RAB27B: variants seen among roughly 807,000 people sequenced by gnomAD.
RAB27B encodes RAB27B, member RAS oncogene family.
In RAB27B, 15 loss-of-function variants were observed where a neutral mutation model predicts 24.6. That is an observed-to-expected ratio of 0.61 (90% confidence interval 0.41 to 0.94). The LOEUF is 0.94. Ranked by LOEUF, RAB27B falls within the 40% of genes least tolerant of loss-of-function variation. The pLI is 0.00. For synonymous variants in RAB27B, 105 were observed against 92.5 expected, an observed-to-expected ratio of 1.14 and a Z score of -0.78; for missense variants, 261 against 266.8, an observed-to-expected ratio of 0.98 and a Z score of 0.15.
chr18:54,886,975 C>A (rs1032797942), intron 4 of RAB27B, among the ~76,000 whole-genome samples: 1 of 148,348 alleles, frequency 6.7e-6, no homozygotes, highest in Non-Finnish European at 1.5e-5. Context: ...TCTTACCATG[C>A]CCTTCCTGCC....
upstream of RAB27B, among the ~76,000 whole-genome samples, chr18:54,824,469 T>C (rs985346112): frequency 1.3e-5 from 2 of 152,338 alleles, no homozygotes; most frequent in South Asian, 2.1e-4. Context: ...GAGGTAGCCA[T>C]GTCACACCCT....
intron 1 of RAB27B, among the ~76,000 whole-genome samples, chr18:54,846,244 T>G (rs564522567): frequency 6.6e-6 from 1 of 152,198 alleles, no homozygotes; most frequent in Non-Finnish European, 1.5e-5. Flanking sequence ...ACAAATCAAC[T>G]ATATATTATA....
At chr18:54,858,392 T>G (rs1040711096) in intron 1 of RAB27B, among the ~76,000 whole-genome samples, 17 of 149,808 alleles carry the variant, frequency 1.1e-4, no homozygotes, top group African/African-American at 3.7e-4. Flanking sequence ...TTTTTTTTTT[T>G]TTTTTTTTTT....
At chr18:54,883,705 A>G (rs891103554) in intron 3 of RAB27B, among the ~76,000 whole-genome samples, 1 of 152,094 alleles carries the variant, frequency 6.6e-6, no homozygotes. Flanking sequence ...TCTTTCCCCA[A>G]TGACTATGTC....
chr18:54,804,904 C>CCCTCTTTCTTTCTTTCTT (rs1909730831), intron 2 of RAB27B, among the ~76,000 whole-genome samples: 4 of 47,972 alleles, frequency 8.3e-5, no homozygotes, highest in African/African-American at 2.0e-4. Flanking sequence ...CTTTCTCTCT[C>CCCTCTTTCTTTCTTTCTT]TCTTTCTTTC....
intron 2 of RAB27B, among the ~76,000 whole-genome samples, chr18:54,771,407 C>T (rs1264095784): frequency 6.6e-6 from 1 of 152,062 alleles, no homozygotes; most frequent in Non-Finnish European, 1.5e-5. Context: ...CATATCTGTG[C>T]CATTCATGAT....
At chr18:54,838,684 T>C (rs1910989844) in intron 1 of RAB27B, among the ~76,000 whole-genome samples, 1 of 152,166 alleles carries the variant, frequency 6.6e-6, no homozygotes, top group African/African-American at 2.4e-5. Flanking sequence ...ATCTGAGTTA[T>C]TTCTGTTGTG....
chr18:54,855,912 A>G (rs1911766461), intron 1 of RAB27B, among the ~76,000 whole-genome samples: 1 of 152,212 alleles, frequency 6.6e-6, no homozygotes, highest in South Asian at 2.1e-4. Context: ...TCTTTATTAT[A>G]CAACCACACT....
intron 2 of RAB27B, among the ~76,000 whole-genome samples, chr18:54,730,070 T>C (rs1225780212): frequency 6.6e-6 from 1 of 152,214 alleles, no homozygotes; most frequent in Non-Finnish European, 1.5e-5. Flanking sequence ...TAAAATTTTC[T>C]GGTCAGAAAA....
intron 1 of RAB27B, among the ~76,000 whole-genome samples, chr18:54,830,242 G>C (rs1910622758): frequency 6.6e-6 from 1 of 152,134 alleles, no homozygotes; most frequent in South Asian, 2.1e-4. Context: ...CTGTATGTTG[G>C]TTTCAGAATT....
At position 54,889,290 on chromosome 18, in the gene RAB27B, G is replaced by A. The variant is rs1319477836; in HGVS notation, c.534G>A (p.Leu178=). ...QNVEKAVETL[L]DLIMKRMEQC... is the part of the protein sequence containing the mutation. ...TGGAGAAAGCTGTAGAAACCCTTTT[G>A]GACTTAATCATGAAGCGAATGGAAC... Residue 178 remains leucine, a synonymous_variant, in exon 6 of 6, where the codon TTG becomes TTA. Coordinates refer to ENST00000262094, the MANE Select transcript of RAB27B (RefSeq NM_004163.4). 6.2e-7 allele frequency: 1 copy of A among 1,613,324 alleles called. No individual in the cohort carries two copies. The highest frequency in any genetic ancestry group is 8.5e-7 in the Non-Finnish European group (1 of 1,179,494).
intron 2 of RAB27B, among the ~76,000 whole-genome samples, chr18:54,768,337 G>A (rs1405101782): frequency 6.6e-6 from 1 of 152,164 alleles, no homozygotes; most frequent in Non-Finnish European, 1.5e-5. Context: ...GGCAATGGCT[G>A]CATGGTGAAA....
intron 1 of RAB27B, among the ~76,000 whole-genome samples, chr18:54,873,702 T>TGG (rs1289122450): frequency 5.5e-5 from 8 of 145,398 alleles, no homozygotes; most frequent in African/African-American, 1.9e-4. Context: ...TGTGTGTGTG[T>TGG]GTGTGTGTGT....
chr18:54,787,112 T>G (rs1419877879), intron 2 of RAB27B, among the ~76,000 whole-genome samples: 1 of 152,228 alleles, frequency 6.6e-6, no homozygotes, highest in African/African-American at 2.4e-5. Flanking sequence ...GATATCACCA[T>G]CTGAATTGTC....
chr18:54,841,836 A>G (rs1911132344), intron 1 of RAB27B, among the ~76,000 whole-genome samples: 1 of 152,254 alleles, frequency 6.6e-6, no homozygotes, highest in Admixed American at 6.5e-5. Flanking sequence ...GCCTTCAGAA[A>G]TAAGACACCA....
intron 2 of RAB27B, among the ~76,000 whole-genome samples, chr18:54,774,865 C>T (rs1210947660): frequency 1.3e-5 from 2 of 152,186 alleles, no homozygotes; most frequent in Non-Finnish European, 1.5e-5. Flanking sequence ...ATATTCTCAG[C>T]CTCCCCTCAC....
chr18:54,866,177 A>T (rs1378397460), intron 1 of RAB27B, among the ~76,000 whole-genome samples: 1 of 152,098 alleles, frequency 6.6e-6, no homozygotes, highest in African/African-American at 2.4e-5. Flanking sequence ...TGCTAGCAAC[A>T]CTGTCCTAAA....
At chr18:54,787,532 T>C (rs764841928) in intron 2 of RAB27B, among the ~76,000 whole-genome samples, 2 of 152,304 alleles carry the variant, frequency 1.3e-5, no homozygotes, top group African/African-American at 2.4e-5. Context: ...GAAGGCCTTA[T>C]ATCTTGCTTA....
intron 1 of RAB27B, among the ~76,000 whole-genome samples, chr18:54,839,477 G>C (rs1466004224): frequency 6.6e-6 from 1 of 152,134 alleles, no homozygotes; most frequent in Non-Finnish European, 1.5e-5. Flanking sequence ...TCCAGTTTTA[G>C]GTAACCCAAT....
Sources: gnomAD v4.1 joint callset for allele counts (sites outside exome capture counted in the v4.1 genomes callset) on GRCh38, gnomAD v4.1.1 for gene constraint, MANE v1.5 for transcripts, NCBI Gene and HGNC (gene_info 2026-07-23, HGNC 2026-07-21) for gene names.